PITPNM2: variants seen among roughly 807,000 people sequenced by gnomAD.
PITPNM2 encodes the protein membrane-associated phosphatidylinositol transfer protein 2.
A neutral mutation model predicts 132.2 loss-of-function variants in PITPNM2; 35 were observed. The observed-to-expected ratio is 0.26, with a 90% confidence interval of 0.20 to 0.35. The LOEUF is 0.35. PITPNM2 is among the 10% of genes least tolerant of loss of function. PITPNM2 has a pLI of 1.00. For synonymous variants in PITPNM2, 738 were observed against 799.2 expected, an observed-to-expected ratio of 0.92 and a Z score of 1.29; for missense variants, 1,332 against 1,912.0, an observed-to-expected ratio of 0.70 and a Z score of 5.66.
chr12:123,000,455 CA>C lies in PITPNM2; in HGVS notation c.1224+322del. On this transcript the variant is annotated intron_variant, in intron 10 of 25. Coordinates refer to ENST00000320201, the MANE Select transcript of PITPNM2 (RefSeq NM_020845.3). This position sits in a 1 kb window ranked among gnomAD's most constrained non-coding sequence, Gnocchi z 5.4. ...TCAGGGACAGCAGACAGGCTGGGCA[CA>C]AGGTGAAGATCTTATTTTTGATCTG... The C allele has an allele frequency of 1.4e-6, 1 of 702,938 alleles. No homozygotes were observed. 43.5% of individuals were successfully genotyped at this position (702,938 alleles called of 1,614,324 possible).
chr12:123,040,909 C>G (rs1001124143), intron 2 of PITPNM2, among the ~76,000 whole-genome samples: 1 of 152,064 alleles, frequency 6.6e-6, no homozygotes, highest in African/African-American at 2.4e-5. Flanking sequence ...GTGGAATAAA[C>G]GTTGACTGAA....
intron 1 of PITPNM2, among the ~76,000 whole-genome samples, chr12:123,112,084 G>A (rs528402908): frequency 5.3e-5 from 8 of 152,138 alleles, no homozygotes; most frequent in Non-Finnish European, 8.8e-5. Context: ...GGGGCTATGA[G>A]AAAAAAGCAC....
chr12:122,990,288 T>G (rs1450353068), intron 17 of PITPNM2, among the ~76,000 whole-genome samples: 8 of 152,220 alleles, frequency 5.3e-5, no homozygotes, highest in African/African-American at 1.9e-4. Flanking sequence ...ATGCGCCTTC[T>G]TCCAGAATCC....
At chr12:123,079,272 C>T (rs1396886331) in intron 2 of PITPNM2, among the ~76,000 whole-genome samples, 1 of 151,562 alleles carries the variant, frequency 6.6e-6, no homozygotes, top group Non-Finnish European at 1.5e-5. Flanking sequence ...GACACAGAGA[C>T]ATCTAAGTTG....
In PITPNM2 at chr12:123,082,415, A is replaced by G. The variant is rs1040687168; in HGVS notation, c.-96+27970T>C. On this transcript the variant is annotated intron_variant, in intron 2 of 25. Transcript: ENST00000320201. The surrounding 1 kb of genome is among the most constrained non-coding windows in gnomAD (Gnocchi z 5.4). Reference sequence around the variant, plus strand: ...TTCCTTTTTATTTTAAAAATTGTACATGTAACATAAAATTTACCATCTTAG... The same window carrying G: ...TTCCTTTTTATTTTAAAAATTGTACGTGTAACATAAAATTTACCATCTTAG... 6.6e-6 allele frequency among the ~76,000 whole-genome samples: 1 copy of G among 152,118 alleles called. No homozygotes were observed. The highest frequency in any genetic ancestry group is 2.4e-5 in the African/African-American group (1 of 41,412).
chr12:123,123,991 C>A (rs566153648), intron 1 of PITPNM2, among the ~76,000 whole-genome samples: 30 of 151,896 alleles, frequency 2.0e-4, no homozygotes, highest in African/African-American at 5.8e-4. Flanking sequence ...CACAGTGGCT[C>A]ACACCTGTAA....
intron 10 of PITPNM2, among the ~76,000 whole-genome samples, chr12:122,998,085 G>A (rs1476497286): frequency 6.6e-6 from 1 of 152,172 alleles, no homozygotes; most frequent in Non-Finnish European, 1.5e-5. Flanking sequence ...TGGGGTCAGG[G>A]CATCCACAGC....
intron 3 of PITPNM2, among the ~76,000 whole-genome samples, chr12:123,025,922 C>G (rs1265317806): frequency 6.6e-6 from 1 of 152,134 alleles, no homozygotes; most frequent in Non-Finnish European, 1.5e-5. Context: ...ATGAGACGAT[C>G]GAGGCTATGA....
chr12:123,070,778 T>C (rs1269039680), intron 2 of PITPNM2, among the ~76,000 whole-genome samples: 3 of 152,202 alleles, frequency 2.0e-5, no homozygotes, highest in Non-Finnish European at 4.4e-5. Context: ...ACCAACCGGT[T>C]CTTCAGACCA....
In PITPNM2 at chr12:122,986,206, T is replaced by A; in HGVS notation, c.3871A>T (p.Asn1291Tyr). 6.4e-7 allele frequency: 1 copy of A among 1,559,430 alleles called. No homozygotes were observed. Among genetic ancestry groups the A allele is most frequent in the East Asian group, 2.4e-5 (1 of 42,496 alleles). The change falls in exon 26 of 26, where the codon AAC becomes TAC. Residue 1291 changes from asparagine to tyrosine, a missense_variant. By Grantham distance (143) the Asn-to-Tyr change is moderately radical (BLOSUM62 -2). Coordinates refer to ENST00000320201, the MANE Select transcript of PITPNM2 (RefSeq NM_020845.3). ...GCCGAGATGGTGCGAAGCAGGTGGT[T>A]CCGGGAGCGCAGAAAGTCGCCCTGG... ...PGQGDFLRSR[N>Y]HLLRTISAQP...
intron 2 of PITPNM2, among the ~76,000 whole-genome samples, chr12:123,062,946 G>A (rs1012702862): frequency 3.3e-5 from 5 of 152,232 alleles, no homozygotes; most frequent in African/African-American, 1.2e-4. Context: ...ACCAGGCCCT[G>A]TGACCTTGGG....
chr12:123,014,032 C>A lies in PITPNM2; in HGVS notation c.89G>T (p.Arg30Leu), dbSNP rs575329414. 1 of 1,614,242 alleles carries A rather than the reference C, an allele frequency of 6.2e-7. No homozygotes were observed. The highest frequency in any genetic ancestry group is 1.1e-5 in the South Asian group (1 of 91,088). ...AQLYMIQKKS[R>L]NETYGEGSGV... ...GCTGCCTTCGCCATATGTCTCGTTA[C>A]GGCTCTTCTTCTGTGGGGACAAAAG... The change falls in exon 4 of 26, where the codon CGT (arginine) becomes CTT (leucine). Residue 30 changes from arginine (R) to leucine (L), a missense_variant. Physicochemically the swap from Arg to Leu is moderately radical, Grantham distance 102. Transcript: ENST00000320201.
chr12:123,135,723 C>CAG (rs2043367167), intron 1 of PITPNM2, among the ~76,000 whole-genome samples: 2 of 151,836 alleles, frequency 1.3e-5, no homozygotes, highest in Non-Finnish European at 2.9e-5. Flanking sequence ...TTAGAGACGG[C>CAG]GTCTCGCTAC....
intron 10 of PITPNM2, among the ~76,000 whole-genome samples, chr12:122,999,618 C>T (rs1399705473): frequency 6.6e-6 from 1 of 151,882 alleles, no homozygotes; most frequent in Non-Finnish European, 1.5e-5. Context: ...ATCCAGGGAC[C>T]CCCAGAGGCC....
At chr12:123,052,711 TTGGAA>T (rs1592975842) in intron 2 of PITPNM2, among the ~76,000 whole-genome samples, 1 of 152,234 alleles carries the variant, frequency 6.6e-6, no homozygotes, top group East Asian at 1.9e-4. Flanking sequence ...CCTTCCATTC[TTGGAA>T]TAAATCCTAT....
At chr12:123,135,199 T>C (rs971855261) in intron 1 of PITPNM2, among the ~76,000 whole-genome samples, 3 of 152,038 alleles carry the variant, frequency 2.0e-5, no homozygotes, top group African/African-American at 4.8e-5. Flanking sequence ...ACGTCCAGGG[T>C]GAAGGTGGGA....
At chr12:123,028,230 C>T (rs1239322569) in intron 3 of PITPNM2, among the ~76,000 whole-genome samples, 1 of 152,312 alleles carries the variant, frequency 6.6e-6, no homozygotes, top group Admixed American at 6.5e-5. Flanking sequence ...GCCAGGCAGA[C>T]GATTTTGTTT....
chr12:122,997,475 T>C lies in PITPNM2; in HGVS notation c.1322A>G (p.Asp441Gly). The change falls in exon 11 of 26, where the codon GAC becomes GGC. Residue 441 changes from aspartate (D) to glycine (G), a missense_variant. Physicochemically the swap from Asp to Gly is moderately conservative, Grantham distance 94 (BLOSUM62 -1). Around this residue, in one of 6 missense-constraint regions of PITPNM2, gnomAD observed 710 missense variants for 911.5 expected, o/e 0.78. Coordinates refer to ENST00000320201, the MANE Select transcript of PITPNM2 (RefSeq NM_020845.3). ...AGCATCGCCCTTCTTGGAGCTGGGG[T>C]CCCCGGCGCCTGTGTCCAGGATGGT... ...GGTILDTGAG[D>G]PSSKKGDANT... The C allele has an allele frequency of 6.2e-7, 1 of 1,613,468 alleles. No homozygotes were observed. Among genetic ancestry groups the C allele is most frequent in the Non-Finnish European group, 8.5e-7 (1 of 1,179,992 alleles).
chr12:122,987,921 C>T lies in PITPNM2; in HGVS notation c.2998-20G>A, dbSNP rs780806809. On this transcript the variant is annotated intron_variant, in intron 20 of 25. Coordinates refer to ENST00000320201, the MANE Select transcript of PITPNM2 (RefSeq NM_020845.3). ...CACGTTCTGTGGAGGGAGTGGCAAGCCCAGGTCAGGGGGTCGGAGGGCACC... is the reference window on the plus strand; with the variant it reads ...CACGTTCTGTGGAGGGAGTGGCAAGTCCAGGTCAGGGGGTCGGAGGGCACC... 6 of 1,599,024 alleles carry T rather than the reference C, an allele frequency of 3.8e-6. No homozygotes were observed. Among genetic ancestry groups the T allele is most frequent in the South Asian group, 1.1e-5 (1 of 88,910 alleles).
Sources: gnomAD v4.1 joint callset for allele counts (sites outside exome capture counted in the v4.1 genomes callset) on GRCh38, gnomAD v4.1.1 for gene constraint, gnomAD v4.1.1 regional missense constraint, Gnocchi (gnomAD v3.1) non-coding constraint, MANE v1.5 for transcripts, NCBI Gene and HGNC (gene_info 2026-07-23, HGNC 2026-07-21) for gene names.